Variants in MICAL2 observed in about 807,000 individuals in gnomAD.
MICAL2 encodes the protein microtubule associated monooxygenase, calponin and LIM domain containing 2, also known as [F-actin]-monooxygenase MICAL2.
A neutral mutation model predicts 127.3 loss-of-function variants in MICAL2; 77 were observed. The observed-to-expected ratio is 0.60, with a 90% CI of 0.50 to 0.73. The LOEUF (loss-of-function observed/expected upper bound fraction) is 0.73, where lower values mean the gene tolerates loss of function less well. Among genes scored for constraint, MICAL2 ranks in the 30% least tolerant of loss-of-function variants. The pLI is 0.00. For synonymous variants in MICAL2, 570 were observed against 551.1 expected (o/e 1.03, Z -0.48); for missense variants, 1,351 against 1,434.4 (o/e 0.94, Z 0.94).
chr11:12,239,358 G>A (rs1859546802), intron 16 of MICAL2, 78 bp from the exon 17 acceptor site: 17 of 1,596,184 alleles, frequency 1.1e-5, no homozygotes, highest in Non-Finnish European at 1.3e-5. Context: ...CTAGTCCCAC[G>A]TCCTGAGTCC....
intron 3 of MICAL2, among the ~76,000 whole-genome samples, chr11:12,171,615 G>A (rs901773925): frequency 6.6e-6 from 1 of 152,068 alleles, no homozygotes; most frequent in African/African-American, 2.4e-5. Flanking sequence ...TGATTCTCAG[G>A]TTGTTCTCCT....
At chr11:12,307,515 C>A (rs1337340749) in intron 29 of MICAL2, among the ~76,000 whole-genome samples, 1 of 152,080 alleles carries the variant, frequency 6.6e-6, no homozygotes, top group South Asian at 2.1e-4. Flanking sequence ...ACTAAGAATT[C>A]CTCATATGTT....
chr11:12,262,339 G>A (rs1298335669), intron 26 of MICAL2, 141 bp from the exon 27 acceptor site: 6 of 1,521,554 alleles, frequency 3.9e-6, no homozygotes, highest in Non-Finnish European at 4.4e-6. Context: ...GACTCTTTCA[G>A]AGGAAGTTTC....
At chr11:12,134,408 C>G (rs529959447) in intron 1 of MICAL2, among the ~76,000 whole-genome samples, 2 of 152,198 alleles carry the variant, frequency 1.3e-5, no homozygotes, top group African/African-American at 2.4e-5. Context: ...GGGTCTGAGG[C>G]TCCGTTCTCA....
intron 8 of MICAL2, among the ~76,000 whole-genome samples, chr11:12,219,778 T>C (rs1227602190): frequency 6.6e-6 from 1 of 152,246 alleles, no homozygotes; most frequent in Non-Finnish European, 1.5e-5. Context: ...CTATGAAATG[T>C]GCTCGTTGTT....
At chr11:12,216,434 G>A (rs930909590) in intron 8 of MICAL2, 115 bp downstream of exon 8, 2 of 779,884 alleles carry the variant, frequency 2.6e-6, no homozygotes, top group Non-Finnish European at 4.4e-6. Flanking sequence ...AGGGGGGAAG[G>A]TGCCACCAGC....
intron 2 of MICAL2, among the ~76,000 whole-genome samples, chr11:12,145,884 A>AGGTGTTATTT (rs923201184): frequency 6.6e-6 from 1 of 152,228 alleles, no homozygotes; most frequent in South Asian, 2.1e-4. Context: ...AGAGCCAGGA[A>AGGTGTTATTT]GGTGTTATTT....
intron 2 of MICAL2, among the ~76,000 whole-genome samples, chr11:12,149,399 T>C (rs1052069011): frequency 2.0e-5 from 3 of 152,276 alleles, no homozygotes; most frequent in Middle Eastern, 6.8e-3. Flanking sequence ...CCTGACTAAG[T>C]GCACATTTTT....
intron 1 of MICAL2, among the ~76,000 whole-genome samples, chr11:12,122,821 G>T (rs1226855931): frequency 6.6e-6 from 1 of 152,172 alleles, no homozygotes; most frequent in African/African-American, 2.4e-5. Context: ...ATAAACCTTG[G>T]AACTGCAGGT....
At chr11:12,310,645 T>A (rs75063580) in intron 29 of MICAL2, among the ~76,000 whole-genome samples, 3,710 of 152,326 alleles carry the variant, frequency 0.024, 97 homozygotes, top group East Asian at 0.14. Context: ...AGGAATACTT[T>A]AGCTATTTGG....
intron 15 of MICAL2, among the ~76,000 whole-genome samples, chr11:12,228,463 T>C (rs1857773760): frequency 6.6e-6 from 1 of 152,228 alleles, no homozygotes; most frequent in African/African-American, 2.4e-5. Context: ...TTGAAAGGCA[T>C]TTGTTGTGTA....
At chr11:12,122,787 G>A (rs765083284) in intron 1 of MICAL2, among the ~76,000 whole-genome samples, 5 of 152,276 alleles carry the variant, frequency 3.3e-5, no homozygotes, top group South Asian at 4.1e-4. Flanking sequence ...GCCACCTTTC[G>A]CTTCCTGGTG....
At chr11:12,299,555 A>G (rs1864022698) in intron 29 of MICAL2, among the ~76,000 whole-genome samples, 1 of 152,220 alleles carries the variant, frequency 6.6e-6, no homozygotes, top group Non-Finnish European at 1.5e-5. Flanking sequence ...GGCATAAACT[A>G]ATTTCAGGTA....
chr11:12,257,000 G>T (rs1281044352), intron 24 of MICAL2, 29 bp downstream of exon 24: 4 of 1,590,070 alleles, frequency 2.5e-6, no homozygotes, highest in Non-Finnish European at 3.4e-6. Context: ...GCAGCACTGG[G>T]CTCTGGCCTT....
At chr11:12,299,731 T>C (rs2134801388) in intron 29 of MICAL2, among the ~76,000 whole-genome samples, 1 of 152,300 alleles carries the variant, frequency 6.6e-6, no homozygotes, top group South Asian at 2.1e-4. Flanking sequence ...AGCTGATGAA[T>C]TTTTGCAAAA....
At chr11:12,358,549 A>C, downstream of MICAL2, 2 of 1,440,470 alleles carry the variant, frequency 1.4e-6, no homozygotes, top group Non-Finnish European at 1.9e-6. Flanking sequence ...ACACACCCTC[A>C]TGGGTCTTTC....
chr11:12,302,994 G>A (rs1223645778), intron 29 of MICAL2, among the ~76,000 whole-genome samples: 2 of 152,138 alleles, frequency 1.3e-5, no homozygotes, highest in African/African-American at 4.8e-5. Context: ...CAATCGTGGT[G>A]GAAAGCACCT....
chr11:12,236,053 T>G, intron 15 of MICAL2, 124 bp from the exon 16 acceptor site: 1 of 764,318 alleles, frequency 1.3e-6, no homozygotes, highest in South Asian at 1.5e-5. Flanking sequence ...GGCTGACAGC[T>G]GTTTGTGGGC....
At chr11:12,262,138 C>T in intron 26 of MICAL2, 1 of 1,174,508 alleles carries the variant, frequency 8.5e-7, no homozygotes, top group Non-Finnish European at 1.1e-6. Context: ...GCAGCACCGA[C>T]ACCCAGGGGT....
Sources: allele counts gnomAD v4.1 joint callset (sites outside exome capture counted in the v4.1 genomes callset), GRCh38; gene constraint gnomAD v4.1.1; transcripts MANE v1.5; gene names NCBI Gene and HGNC (gene_info 2026-07-23, HGNC 2026-07-21).